Variants in ITPR2 observed in about 807,000 individuals in gnomAD.
ITPR2 encodes inositol 1,4,5-trisphosphate receptor type 2.
ITPR2 carries 207 observed loss-of-function variants against 317.1 expected under a neutral mutation model. That is an observed-to-expected ratio of 0.65 (90% CI 0.58 to 0.73). ITPR2 has a LOEUF of 0.73. ITPR2 is among the 30% of genes least tolerant of loss of function. The pLI is 0.00. For missense variants in ITPR2, 2,613 were observed against 3,284.0 expected, an observed-to-expected ratio of 0.80 and a Z score of 4.99; for synonymous variants, 1,156 against 1,149.1, an observed-to-expected ratio of 1.01 and a Z score of -0.12.
chr12:26,796,849 G>T (rs1266443847), intron 1 of ITPR2, among the ~76,000 whole-genome samples: 1 of 151,904 alleles, frequency 6.6e-6, no homozygotes, highest in East Asian at 1.9e-4. Context: ...GGCCAACATG[G>T]TGAAACCACC....
chr12:26,678,032 T>C (rs1947953140), intron 13 of ITPR2, among the ~76,000 whole-genome samples: 1 of 152,170 alleles, frequency 6.6e-6, no homozygotes, highest in Middle Eastern at 3.2e-3. Flanking sequence ...GCACTACATA[T>C]AGCCATGCTG....
intron 45 of ITPR2, among the ~76,000 whole-genome samples, chr12:26,467,934 T>G (rs1049109541): frequency 6.6e-6 from 1 of 152,164 alleles, no homozygotes; most frequent in African/African-American, 2.4e-5. Flanking sequence ...TACTTTTTCT[T>G]TGTGGAAAGT....
intron 46 of ITPR2, among the ~76,000 whole-genome samples, chr12:26,441,501 G>A (rs1941487492): frequency 6.6e-6 from 1 of 152,100 alleles, no homozygotes; most frequent in South Asian, 2.1e-4. Context: ...TAAACTAACA[G>A]AATAACCAAA....
At chr12:26,498,197 A>G (rs1027024528) in intron 37 of ITPR2, among the ~76,000 whole-genome samples, 5 of 152,352 alleles carry the variant, frequency 3.3e-5, no homozygotes, top group African/African-American at 1.2e-4. Flanking sequence ...GGGTGTAGTA[A>G]GTAAAGGTGG....
chr12:26,792,936 A>G (rs1950368722), intron 1 of ITPR2, among the ~76,000 whole-genome samples: 1 of 152,196 alleles, frequency 6.6e-6, no homozygotes, highest in African/African-American at 2.4e-5. Context: ...TATCCACATG[A>G]GTCTAGATGT....
intron 50 of ITPR2, among the ~76,000 whole-genome samples, chr12:26,417,729 C>T (rs540735696): frequency 1.5e-4 from 23 of 152,224 alleles, no homozygotes; most frequent in East Asian, 3.9e-4. Context: ...AGTGTGAGAA[C>T]GGACTAACAC....
chr12:26,657,634 T>C, intron 18 of ITPR2, 73 bp downstream of exon 18: 1 of 1,305,484 alleles, frequency 7.7e-7, no homozygotes, highest in Non-Finnish European at 1.1e-6. Flanking sequence ...ACCTAACTAG[T>C]GGCTACAGAG....
Position 26,597,093 on chromosome 12 carries a change from A to C in ITPR2, c.4044T>G (p.Asp1348Glu). ...GGAGAAGGATTGGAAATGATGCTCTATCATTGTAAAATATCAGCACGTCTT... is the reference window on the plus strand; with the variant it reads ...GGAGAAGGATTGGAAATGATGCTCTCTCATTGTAAAATATCAGCACGTCTT... ...GGEDVLIFYN[D>E]RASFPILLHM... Residue 1348 changes from aspartate (D) to glutamate (E), a missense_variant, in exon 31 of 57, where the codon GAT becomes GAG. Coordinates refer to ENST00000381340, the MANE Select transcript of ITPR2 (RefSeq NM_002223.4). 2 of 1,613,998 alleles carry C rather than the reference A, an allele frequency of 1.2e-6. No homozygotes were observed. The highest frequency in any genetic ancestry group is 2.7e-5 in the African/African-American group (2 of 75,054).
At chr12:26,680,675 G>A (rs539968973) in intron 13 of ITPR2, among the ~76,000 whole-genome samples, 7 of 152,248 alleles carry the variant, frequency 4.6e-5, no homozygotes, top group South Asian at 2.1e-4. Flanking sequence ...ATTTAGCCAC[G>A]CCATTGCACA....
chr12:26,403,193 G>T (rs904221061), intron 52 of ITPR2, among the ~76,000 whole-genome samples: 23 of 152,180 alleles, frequency 1.5e-4, no homozygotes, highest in African/African-American at 5.5e-4. Context: ...AGGCACAAAA[G>T]CATGCGGGGT....
intron 27 of ITPR2, 31 bp downstream of exon 27, chr12:26,602,586 A>G (rs1256733409): frequency 1.9e-6 from 3 of 1,574,946 alleles, no homozygotes; most frequent in South Asian, 1.1e-5. Flanking sequence ...GCAAATATAA[A>G]CCTATATAAG....
At chr12:26,711,038 T>C in intron 9 of ITPR2, 135 bp downstream of exon 9, 1 of 601,312 alleles carries the variant, frequency 1.7e-6, no homozygotes, top group Non-Finnish European at 3.0e-6. Context: ...TATATGCCAA[T>C]CCAGAATACT....
At chr12:26,372,896 C>G (rs1260426749) in intron 55 of ITPR2, among the ~76,000 whole-genome samples, 2 of 152,270 alleles carry the variant, frequency 1.3e-5, no homozygotes, top group South Asian at 4.1e-4. Context: ...CCTCCCACTG[C>G]CCCCCGACCC....
chr12:26,719,988 A>T (rs2137039799), intron 5 of ITPR2, among the ~76,000 whole-genome samples: 1 of 152,298 alleles, frequency 6.6e-6, no homozygotes, highest in Non-Finnish European at 1.5e-5. Flanking sequence ...CATAAAGATA[A>T]AAAAATAAGG....
At chr12:26,745,083 T>C (rs990034430) in intron 2 of ITPR2, among the ~76,000 whole-genome samples, 1 of 152,274 alleles carries the variant, frequency 6.6e-6, no homozygotes, top group African/African-American at 2.4e-5. Flanking sequence ...AGGGTCATCC[T>C]GCCCACAGAT....
intron 21 of ITPR2, among the ~76,000 whole-genome samples, chr12:26,646,855 A>G (rs187689071): frequency 1.3e-4 from 20 of 152,352 alleles, no homozygotes; most frequent in African/African-American, 4.6e-4. Flanking sequence ...AAAAAGGATT[A>G]TCTGGTTCCT....
chr12:26,378,770 G>A (rs534625638), intron 55 of ITPR2, among the ~76,000 whole-genome samples: 4 of 152,144 alleles, frequency 2.6e-5, no homozygotes, highest in African/African-American at 4.8e-5. Flanking sequence ...TTTCTTTCTC[G>A]CCTGCAATTG....
At chr12:26,774,955 A>T (rs1565754319) in intron 2 of ITPR2, among the ~76,000 whole-genome samples, 2 of 152,192 alleles carry the variant, frequency 1.3e-5, no homozygotes. Flanking sequence ...CATGTTCTGC[A>T]TGGTTTCCCA....
At chr12:26,458,441 C>G (rs545950991) in intron 45 of ITPR2, among the ~76,000 whole-genome samples, 2 of 152,192 alleles carry the variant, frequency 1.3e-5, no homozygotes, top group South Asian at 4.1e-4. Context: ...AGGAAAATAC[C>G]AGGGCCTTCC....
Sources: gnomAD v4.1 joint callset for allele counts (sites outside exome capture counted in the v4.1 genomes callset) on GRCh38, gnomAD v4.1.1 for gene constraint, MANE v1.5 for transcripts, NCBI Gene and HGNC (gene_info 2026-07-23, HGNC 2026-07-21) for gene names.